The following PTPRQ variants were observed in gnomAD, a reference collection of about 807,000 sequenced individuals.
The protein encoded by PTPRQ is phosphatidylinositol phosphatase PTPRQ.
In PTPRQ, 199 loss-of-function variants were observed where a neutral mutation model predicts 246.0. The ratio of observed to expected loss-of-function variants is 0.81; its 90% CI spans 0.72 to 0.91. The LOEUF (loss-of-function observed/expected upper bound fraction) is 0.91, where lower values mean the gene tolerates loss of function less well. Among genes scored for constraint, PTPRQ ranks in the 40% least tolerant of loss-of-function variants. The probability of loss-of-function intolerance (pLI) is 0.00; values close to 1 mark genes in which losing one functional copy is unlikely to be tolerated. For synonymous variants in PTPRQ, 869 were observed against 853.2 expected, an observed-to-expected ratio of 1.02 and a Z score of -0.32; for missense variants, 2,624 against 2,528.4, an observed-to-expected ratio of 1.04 and a Z score of -0.81.
At chr12:80,547,446 G>T (rs1269679371) in intron 24 of PTPRQ, among the ~76,000 whole-genome samples, 1 of 151,922 alleles carries the variant, frequency 6.6e-6, no homozygotes, top group Non-Finnish European at 1.5e-5. Context: ...ATCAGCTCTG[G>T]ATGCACTTCC....
chr12:80,528,150 T>A (rs1337679148), intron 17 of PTPRQ, among the ~76,000 whole-genome samples: 1 of 152,174 alleles, frequency 6.6e-6, no homozygotes, highest in African/African-American at 2.4e-5. Flanking sequence ...AAATTTCAAA[T>A]GGATGAAATC....
rs1430866027 is a variant in PTPRQ at position 80,542,291 on chromosome 12, C to CT, written c.3654dup (p.Ala1219CysfsTer6). 3.2e-6 allele frequency: 5 copies of CT among 1,549,716 alleles called. No homozygotes were observed. The highest frequency in any genetic ancestry group is 3.9e-5 in the Admixed American group (2 of 50,674). ...AGCTTTCACCATTTACATTATATAG[C>CT]TTTTTTGCTGCCGCAAGAACTAGAA... On this transcript the variant is annotated frameshift_variant, in exon 22 of 45. Transcript: ENST00000644991. LOFTEE classifies it high-confidence loss of function.
chr12:80,597,845 T>G (rs76617261), intron 26 of PTPRQ, among the ~76,000 whole-genome samples: 1 of 151,948 alleles, frequency 6.6e-6, no homozygotes, highest in Non-Finnish European at 1.5e-5. Context: ...GTGATGTTGA[T>G]GCTGCTGGCC....
At chr12:80,486,283 T>C (rs1327699037) in intron 9 of PTPRQ, among the ~76,000 whole-genome samples, 1 of 152,152 alleles carries the variant, frequency 6.6e-6, no homozygotes, top group African/African-American at 2.4e-5. Flanking sequence ...CCTTAGTTGC[T>C]ACCCAATATT....
intron 9 of PTPRQ, 103 bp downstream of exon 9, chr12:80,484,708 C>G: frequency 1.5e-6 from 2 of 1,368,902 alleles, no homozygotes; most frequent in Non-Finnish European, 9.7e-7. Context: ...TATTTGACCA[C>G]TTACTAGTAC....
At chr12:80,630,822 T>C (rs1899402514) in intron 33 of PTPRQ, among the ~76,000 whole-genome samples, 1 of 152,206 alleles carries the variant, frequency 6.6e-6, no homozygotes, top group South Asian at 2.1e-4. Flanking sequence ...TTTCAAGCTA[T>C]TCTCCTGCCT....
At chr12:80,450,914 C>T (rs1892741750) in intron 3 of PTPRQ, among the ~76,000 whole-genome samples, 1 of 152,106 alleles carries the variant, frequency 6.6e-6, no homozygotes, top group Non-Finnish European at 1.5e-5. Context: ...GGGAGGATTC[C>T]CTCTTTTTCT....
chr12:80,586,970 G>A (rs1485349505), intron 25 of PTPRQ, among the ~76,000 whole-genome samples: 7 of 152,082 alleles, frequency 4.6e-5, no homozygotes, highest in South Asian at 2.1e-4. Context: ...GAATTTGAAC[G>A]TCTTCTGATT....
At position 80,510,412 on chromosome 12, in the gene PTPRQ, G is replaced by A; in HGVS notation, c.2647G>A (p.Gly883Arg). The change falls in exon 17 of 45, where the codon GGA becomes AGA. Residue 883 changes from glycine (G) to arginine (R), a missense_variant. Transcript: ENST00000644991. The stretch of plus-strand genomic sequence containing the variant: ...ATGGCAACCACCCCTGGAGCCAAAT[G>A]GAATTATCCTTTATTACACAGTTTA... The part of the protein sequence containing the change: ...LSWQPPLEPN[G>R]IILYYTVYVW... 1 of 1,549,490 alleles carries A rather than the reference G, an allele frequency of 6.5e-7. No individual in the cohort carries two copies. Among genetic ancestry groups the A allele is most frequent in the Non-Finnish European group, 8.7e-7 (1 of 1,145,806 alleles).
At chr12:80,666,619 G>A (rs901969536) in intron 39 of PTPRQ, among the ~76,000 whole-genome samples, 5 of 151,932 alleles carry the variant, frequency 3.3e-5, no homozygotes, top group Admixed American at 6.6e-5. Context: ...TCATTACCCT[G>A]ACTTGAGTAT....
Position 80,673,236 on chromosome 12 carries a change from G to T in PTPRQ, c.6670G>T (p.Asp2224Tyr). 2 of 1,550,906 alleles carry T rather than the reference G, an allele frequency of 1.3e-6. No individual in the cohort carries two copies. Among genetic ancestry groups the T allele is most frequent in the Non-Finnish European group, 1.7e-6 (2 of 1,146,448 alleles). Residue 2224 changes from aspartate (D) to tyrosine (Y), a missense_variant, in exon 43 of 45, where the codon GAT becomes TAT. Asp to Tyr is a radical substitution (Grantham distance 160, BLOSUM62 -3). Coordinates refer to ENST00000644991, the MANE Select transcript of PTPRQ (RefSeq NM_001145026.2). ...TTTAACACAACATATAAATGACCATGATTTTGTGGATATATATGGACTAGT... is the reference window on the plus strand; with the variant it reads ...TTTAACACAACATATAAATGACCATTATTTTGTGGATATATATGGACTAGT... Reference protein sequence around the residue: ...DHLTQHINDHDFVDIYGLVAE... With the variant: ...DHLTQHINDHYFVDIYGLVAE...
At chr12:80,489,204 T>C (rs1338143481) in intron 9 of PTPRQ, among the ~76,000 whole-genome samples, 4 of 152,058 alleles carry the variant, frequency 2.6e-5, no homozygotes, top group Non-Finnish European at 5.9e-5. Context: ...CTTTTAATTT[T>C]CATCAGTTCG....
intron 5 of PTPRQ, 61 bp from the exon 6 acceptor site, chr12:80,460,592 A>T (rs549016330): frequency 1.3e-5 from 5 of 398,052 alleles, no homozygotes; most frequent in African/African-American, 1.0e-4. Flanking sequence ...ACATGTTCTT[A>T]TTCTTATGTT....
At chr12:80,500,887 T>A (rs1045568742) in intron 14 of PTPRQ, among the ~76,000 whole-genome samples, 1 of 151,860 alleles carries the variant, frequency 6.6e-6, no homozygotes, top group Admixed American at 6.6e-5. Flanking sequence ...TAGTGGTAAG[T>A]TTTACTAAGT....
chr12:80,554,976 C>T (rs1896602627), intron 25 of PTPRQ, among the ~76,000 whole-genome samples: 1 of 151,844 alleles, frequency 6.6e-6, no homozygotes, highest in Non-Finnish European at 1.5e-5. Context: ...TGAAGTGGCG[C>T]TATCTTGACT....
At chr12:80,461,221 T>C (rs1737802442) in intron 6 of PTPRQ, among the ~76,000 whole-genome samples, 1 of 152,194 alleles carries the variant, frequency 6.6e-6, no homozygotes, top group African/African-American at 2.4e-5. Flanking sequence ...TTTATAATCA[T>C]TTACACCCTT....
chr12:80,631,512 G>T (rs1028953123), intron 33 of PTPRQ, among the ~76,000 whole-genome samples: 2 of 151,980 alleles, frequency 1.3e-5, no homozygotes, highest in Middle Eastern at 3.2e-3. Context: ...AGGATCATTT[G>T]TTCCTTTTAT....
Position 80,484,449 on chromosome 12 carries a change from T to G in PTPRQ, c.1203T>G (p.Phe401Leu), listed in dbSNP as rs1402139631. 3.9e-6 allele frequency: 6 copies of G among 1,550,014 alleles called. No individual in the cohort carries two copies. Among genetic ancestry groups the G allele is most frequent in the Non-Finnish European group, 5.2e-6 (6 of 1,146,510 alleles). Residue 401 changes from phenylalanine to leucine, a missense_variant, in exon 9 of 45, where the codon TTT (phenylalanine) becomes TTG (leucine). Physicochemically the swap from Phe to Leu is conservative, Grantham distance 22. Coordinates refer to ENST00000644991, the MANE Select transcript of PTPRQ (RefSeq NM_001145026.2). ...CTTTCTTAGTTCCAGGGGCAGTGTT[T>G]GATTTACAACTTGCAGAGGTAGAAT... ...FTPPDVPGAV[F>L]DLQLAEVEST...
intron 2 of PTPRQ, 108 bp downstream of exon 2, chr12:80,444,957 C>T: frequency 7.7e-7 from 1 of 1,303,246 alleles, no homozygotes; most frequent in Non-Finnish European, 1.0e-6. Context: ...TTCATGAAAA[C>T]AGTGTAGAAT....
Sources: allele counts gnomAD v4.1 joint callset (sites outside exome capture counted in the v4.1 genomes callset), GRCh38; gene constraint gnomAD v4.1.1; transcripts MANE v1.5; gene names NCBI Gene and HGNC (gene_info 2026-07-23, HGNC 2026-07-21).